SOX6: variants seen among roughly 807,000 people sequenced by gnomAD.
SOX6 encodes transcription factor SOX-6.
In SOX6, 11 loss-of-function variants were observed where a neutral mutation model predicts 97.8. The ratio of observed to expected loss-of-function variants is 0.11; its 90% CI spans 0.07 to 0.19. SOX6 has a LOEUF of 0.19. SOX6 is among the 10% of genes least tolerant of loss of function. The pLI is 1.00. For missense variants in SOX6, 810 were observed against 1,039.5 expected, an observed-to-expected ratio of 0.78 and a Z score of 3.04; for synonymous variants, 360 against 371.4, an observed-to-expected ratio of 0.97 and a Z score of 0.35.
chr11:16,692,056 C>CGTGTGTGT lies in SOX6; in HGVS notation n.429+22766_429+22773dup, dbSNP rs755479047. Among the ~76,000 whole-genome samples, 1,359 of 144,316 alleles carry CGTGTGTGT rather than the reference C, an allele frequency of 9.4e-3. 9 individuals are homozygous for CGTGTGTGT. The highest frequency in any genetic ancestry group is 0.032 in the Middle Eastern group (9 of 280). 94.7% of individuals were successfully genotyped at this position (144,316 alleles called of 152,430 possible). The stretch of plus-strand genomic sequence containing the variant: ...TCACTGAAGTTTTGATTTGCGTGTG[C>CGTGTGTGT]GTGTGTGTGTGTGTGTGTGTGTGTG... On this transcript the variant is annotated intron_variant and non_coding_transcript_variant, in intron 3 of 5. Coordinates refer to the SOX6 transcript ENST00000524520.
intron 4 of SOX6, among the ~76,000 whole-genome samples, chr11:16,574,082 G>A (rs888999884): frequency 2.0e-5 from 3 of 152,076 alleles, no homozygotes; most frequent in African/African-American, 7.2e-5. Flanking sequence ...TAGATTAAAT[G>A]CAAACTAAAT....
intron 6 of SOX6, among the ~76,000 whole-genome samples, chr11:16,132,401 A>AGAAAGAAAAAAAG (rs34012369): frequency 2.3e-5 from 1 of 43,836 alleles, no homozygotes; most frequent in African/African-American, 1.1e-4. Context: ...AAAGAAAGAA[A>AGAAAGAAAAAAAG]AAAGAAAGAA....
upstream of SOX6, among the ~76,000 whole-genome samples, chr11:16,478,567 T>G (rs144538121): frequency 6.6e-6 from 1 of 152,350 alleles, no homozygotes; most frequent in East Asian, 1.9e-4. Context: ...AATCTCATTA[T>G]CAATGGATTT....
intron 7 of SOX6, among the ~76,000 whole-genome samples, chr11:16,107,854 T>C (rs913293383): frequency 2.0e-5 from 3 of 152,136 alleles, no homozygotes; most frequent in Non-Finnish European, 4.4e-5. Flanking sequence ...AAATTGTTTT[T>C]GGTCGTTGAG....
intron 4 of SOX6, among the ~76,000 whole-genome samples, chr11:16,534,512 T>C (rs1198131076): frequency 6.6e-6 from 1 of 152,110 alleles, no homozygotes; most frequent in Non-Finnish European, 1.5e-5. Context: ...TTTGGAAATA[T>C]CAGAAGTTCC....
At chr11:16,016,674 A>C (rs1210797611) in intron 12 of SOX6, among the ~76,000 whole-genome samples, 1 of 152,082 alleles carries the variant, frequency 6.6e-6, no homozygotes, top group Non-Finnish European at 1.5e-5. Context: ...TCTATTTTTG[A>C]GTAGCACTTT....
At chr11:16,443,407 A>T (rs766181024) in intron 1 of SOX6, among the ~76,000 whole-genome samples, 4 of 152,202 alleles carry the variant, frequency 2.6e-5, no homozygotes, top group Non-Finnish European at 5.9e-5. Context: ...GAATGAATGA[A>T]CATGCACATC....
rs190253116 is a variant in SOX6, at chr11:16,405,303, C to T, written c.-4-64051G>A. 3.3e-5 allele frequency among the ~76,000 whole-genome samples: 5 copies of T among 152,056 alleles called. No individual in the cohort carries two copies. In the East Asian group the frequency reaches 9.7e-4, roughly 29 times the overall value. ...TTAGCTTTCAGAATATCCTAATTAG[C>T]ATGTTGTACATTGTGGTGAGGAAAA... is the stretch of plus-strand genomic sequence containing the variant. On this transcript the variant is annotated intron_variant, in intron 1 of 15. Coordinates refer to the SOX6 transcript ENST00000396356.
chr11:16,638,601 G>C (rs932318049), intron 3 of SOX6, among the ~76,000 whole-genome samples: 12 of 152,112 alleles, frequency 7.9e-5, no homozygotes, highest in African/African-American at 2.9e-4. Flanking sequence ...ACTTTTTAAT[G>C]ATCACCATTC....
At chr11:16,078,799 G>C (rs1401073190) in intron 9 of SOX6, among the ~76,000 whole-genome samples, 1 of 152,124 alleles carries the variant, frequency 6.6e-6, no homozygotes, top group Non-Finnish European at 1.5e-5. Context: ...AGCTAAGTGA[G>C]AGAGTAAGCC....
intron 3 of SOX6, among the ~76,000 whole-genome samples, chr11:16,267,087 C>CT (rs1212783033): frequency 2.0e-5 from 3 of 151,378 alleles, no homozygotes; most frequent in African/African-American, 7.3e-5. Flanking sequence ...TATAAAACTC[C>CT]TAGAAGAAAA....
intron 2 of SOX6, among the ~76,000 whole-genome samples, chr11:16,328,249 G>T (rs1361567093): frequency 6.6e-6 from 1 of 152,076 alleles, no homozygotes; most frequent in East Asian, 1.9e-4. Flanking sequence ...ACGTTCTATG[G>T]TTCACTATGG....
chr11:16,201,858 C>T, intron 4 of SOX6, among the ~76,000 whole-genome samples: 1 of 135,546 alleles, frequency 7.4e-6, no homozygotes, highest in African/African-American at 2.8e-5. Context: ...TGGTCTCGAT[C>T]TCCTGACCTC....
At chr11:16,361,723 A>G (rs1052833505) in intron 1 of SOX6, among the ~76,000 whole-genome samples, 1 of 152,218 alleles carries the variant, frequency 6.6e-6, no homozygotes, top group Non-Finnish European at 1.5e-5. Context: ...AGGGTGTCCA[A>G]GGAATGGCCT....
At chr11:16,481,711 G>A (rs1335037233) in intron 4 of SOX6, among the ~76,000 whole-genome samples, 2 of 152,140 alleles carry the variant, frequency 1.3e-5, no homozygotes, top group Admixed American at 1.3e-4. Context: ...TTCAATGATG[G>A]TGGTTGGAAT....
chr11:16,732,666 C>T (rs1056779625), intron 2 of SOX6, among the ~76,000 whole-genome samples: 7 of 152,158 alleles, frequency 4.6e-5, no homozygotes, highest in African/African-American at 1.7e-4. Context: ...CCATACAGAA[C>T]ATAAGCACAG....
intron 7 of SOX6, among the ~76,000 whole-genome samples, 160 bp from the exon 8 acceptor site, chr11:16,097,848 T>G (rs972346026): frequency 6.6e-6 from 1 of 151,854 alleles, no homozygotes; most frequent in Non-Finnish European, 1.5e-5. Flanking sequence ...CTTGCAGTGC[T>G]GCCTTGGAAC....
In SOX6 at chr11:16,073,959, T is replaced by A. The variant is rs1181995353; in HGVS notation, c.1102-18058A>T. ...CTAAAGCAGTGTTAAAAGCAGAGTT[T>A]ATAGTGCTAAATGCCCACATCAAAA... On this transcript the variant is annotated intron_variant, in intron 9 of 15. Transcript: ENST00000683767. Among the ~76,000 whole-genome samples the A allele has an allele frequency of 2.6e-5, 4 of 152,164 alleles. No individual in the cohort carries two copies. The South Asian group carries it at 8.3e-4, about 31-fold the overall frequency.
At chr11:16,458,033 T>C (rs1326674315) in intron 1 of SOX6, among the ~76,000 whole-genome samples, 2 of 152,024 alleles carry the variant, frequency 1.3e-5, no homozygotes, top group Non-Finnish European at 2.9e-5. Flanking sequence ...AATGATGTTA[T>C]ATATACTACA....
Sources: allele counts gnomAD v4.1 joint callset (sites outside exome capture counted in the v4.1 genomes callset), GRCh38; gene constraint gnomAD v4.1.1; transcripts MANE v1.5; gene names NCBI Gene and HGNC (gene_info 2026-07-23, HGNC 2026-07-21).